Variants in DAB1 observed in about 807,000 individuals in gnomAD.
The protein encoded by DAB1 is disabled homolog 1.
Under a neutral mutation model 64.6 loss-of-function variants are expected in DAB1, and 15 were observed. The observed-to-expected ratio is 0.23, with a 90% CI of 0.16 to 0.36. The LOEUF (loss-of-function observed/expected upper bound fraction) is 0.36, where lower values mean the gene tolerates loss of function less well. Among genes scored for constraint, DAB1 ranks in the 10% least tolerant of loss-of-function variants. The probability of loss-of-function intolerance (pLI) is 1.00; values close to 1 mark genes in which losing one functional copy is unlikely to be tolerated. For missense variants in DAB1, 596 were observed against 706.7 expected (o/e 0.84, Z 1.78); for synonymous variants, 235 against 251.9 (o/e 0.93, Z 0.64).
intron 4 of DAB1, chr1:58,228,611 G>A: frequency 1.5e-6 from 1 of 668,454 alleles, no homozygotes; most frequent in Non-Finnish European, 2.5e-6. Flanking sequence ...TTGGGACCCA[G>A]ATATGCCCCC....
rs1029348928 is a variant in DAB1, at chr1:57,568,297, T to A, written n.625+81295A>T. ...AATTCAAGATGAATTAAAGACTTAATTGTTAGACCTAAAACCATAAAAACC... is the reference window on the plus strand; with the variant it reads ...AATTCAAGATGAATTAAAGACTTAAATGTTAGACCTAAAACCATAAAAACC... On this transcript the variant is annotated intron_variant and non_coding_transcript_variant, in intron 7 of 20. Transcript: ENST00000485760. Among the ~76,000 whole-genome samples, 6 of 152,136 alleles carry A rather than the reference T, an allele frequency of 3.9e-5. No homozygotes were observed. The East Asian group carries it at 7.7e-4, about 20-fold the overall frequency.
chr1:57,887,443 T>C (rs952517225), upstream of DAB1, among the ~76,000 whole-genome samples: 1 of 152,222 alleles, frequency 6.6e-6, no homozygotes, highest in Admixed American at 6.5e-5. Context: ...AACTCACTAC[T>C]GTATAATTTA....
intron 1 of DAB1, among the ~76,000 whole-genome samples, chr1:57,352,819 C>G (rs1489616054): frequency 3.9e-5 from 6 of 152,034 alleles, no homozygotes; most frequent in Non-Finnish European, 7.4e-5. Flanking sequence ...AAGTTGATTA[C>G]CCTCAATCAA....
intron 7 of DAB1, among the ~76,000 whole-genome samples, chr1:57,601,400 C>A (rs989634486): frequency 6.6e-6 from 1 of 152,104 alleles, no homozygotes; most frequent in Non-Finnish European, 1.5e-5. Flanking sequence ...ATGTCGAAAC[C>A]CCTTTCTACT....
At chr1:58,261,600 C>A (rs1661049591) in intron 4 of DAB1, among the ~76,000 whole-genome samples, 1 of 151,852 alleles carries the variant, frequency 6.6e-6, no homozygotes, top group African/African-American at 2.4e-5. Context: ...TGGAGAAAGG[C>A]CAGATTCATG....
intron 4 of DAB1, among the ~76,000 whole-genome samples, chr1:57,108,977 T>C (rs1655412913): frequency 6.6e-6 from 1 of 152,244 alleles, no homozygotes; most frequent in African/African-American, 2.4e-5. Context: ...CAGTTCATCT[T>C]TGATGTACTG....
intron 5 of DAB1, chr1:58,074,564 G>GTGTGTGTATATATA (rs1332531604): frequency 4.4e-5 from 4 of 91,634 alleles, no homozygotes; most frequent in Admixed American, 2.6e-4. Context: ...ATATATGTGT[G>GTGTGTGTATATATA]TATATATATA....
intron 3 of DAB1, among the ~76,000 whole-genome samples, chr1:58,425,387 C>G (rs1282259812): frequency 6.6e-6 from 1 of 152,222 alleles, no homozygotes; most frequent in African/African-American, 2.4e-5. Context: ...CCTGCCCGTT[C>G]CTAGGCTAGC....
intron 3 of DAB1, among the ~76,000 whole-genome samples, chr1:58,456,540 GA>G (rs772825916): frequency 4.5e-4 from 69 of 152,184 alleles, no homozygotes; most frequent in Non-Finnish European, 4.0e-4. Context: ...GAGGACTAGG[GA>G]AGGCTGAGTG....
intron 2 of DAB1, among the ~76,000 whole-genome samples, chr1:57,235,376 C>A (rs1668017987): frequency 6.6e-6 from 1 of 152,146 alleles, no homozygotes. Flanking sequence ...GTAGTAATGA[C>A]AACATTTGCC....
At chr1:57,802,152 C>T (rs915299267) in intron 6 of DAB1, among the ~76,000 whole-genome samples, 5 of 152,208 alleles carry the variant, frequency 3.3e-5, no homozygotes, top group Admixed American at 1.3e-4. Context: ...TTCGGTCACA[C>T]CCATTCCTAA....
intron 7 of DAB1, among the ~76,000 whole-genome samples, chr1:57,497,575 C>G (rs1304658020): frequency 6.6e-6 from 1 of 152,136 alleles, no homozygotes; most frequent in Non-Finnish European, 1.5e-5. Flanking sequence ...CAGAAGTGAG[C>G]TAGTCTTGAG....
intron 5 of DAB1, among the ~76,000 whole-genome samples, chr1:57,938,156 T>G (rs1047293008): frequency 2.6e-5 from 4 of 152,234 alleles, no homozygotes; most frequent in Non-Finnish European, 1.5e-5. Flanking sequence ...CAGCCCTTGC[T>G]GGGTGTGTAA....
chr1:57,927,595 C>CT, intron 5 of DAB1, among the ~76,000 whole-genome samples: 1 of 152,320 alleles, frequency 6.6e-6, no homozygotes, highest in South Asian at 2.1e-4. Flanking sequence ...TCTAGCAGCA[C>CT]TAGAAGGCAA....
At chr1:57,868,969 C>T (rs948129734) in intron 1 of DAB1, among the ~76,000 whole-genome samples, 5 of 152,092 alleles carry the variant, frequency 3.3e-5, no homozygotes, top group Non-Finnish European at 5.9e-5. Flanking sequence ...CAAACACCAT[C>T]TTAACCAAAG....
intron 5 of DAB1, among the ~76,000 whole-genome samples, chr1:57,962,749 T>C (rs556316146): frequency 6.6e-6 from 1 of 152,042 alleles, no homozygotes; most frequent in East Asian, 1.9e-4. Context: ...CTGTAGTTCC[T>C]GTAGTTCCTG....
chr1:57,061,124 C>T (rs1179352987), intron 9 of DAB1, among the ~76,000 whole-genome samples: 1 of 150,878 alleles, frequency 6.6e-6, no homozygotes, highest in African/African-American at 2.4e-5. Flanking sequence ...AACAGTACAA[C>T]ACAGAATAGG....
At chr1:58,063,159 G>A (rs1648612418) in intron 5 of DAB1, among the ~76,000 whole-genome samples, 1 of 152,094 alleles carries the variant, frequency 6.6e-6, no homozygotes. Context: ...CTTGTTTTAG[G>A]GATAGAAAAG....
intron 4 of DAB1, among the ~76,000 whole-genome samples, chr1:58,190,967 T>A (rs896413256): frequency 1.3e-5 from 2 of 152,132 alleles, no homozygotes; most frequent in African/African-American, 4.8e-5. Context: ...CAGGCCCCAA[T>A]GGGCTCTCAC....
Sources: allele counts gnomAD v4.1 joint callset (sites outside exome capture counted in the v4.1 genomes callset), GRCh38; gene constraint gnomAD v4.1.1; transcripts MANE v1.5; gene names NCBI Gene and HGNC (gene_info 2026-07-23, HGNC 2026-07-21).